DPYD: variants seen among roughly 807,000 people sequenced by gnomAD.
DPYD encodes dihydropyrimidine dehydrogenase.
Under a neutral mutation model 116.2 loss-of-function variants are expected in DPYD, and 109 were observed. That is an observed-to-expected ratio of 0.94 (90% confidence interval 0.80 to 1.10). The LOEUF (loss-of-function observed/expected upper bound fraction) is 1.10, where lower values mean the gene tolerates loss of function less well. Ranked by LOEUF, DPYD falls within the 50% of genes least tolerant of loss-of-function variation. DPYD has a pLI of 0.00. For missense variants in DPYD, 1,302 were observed against 1,254.5 expected, an observed-to-expected ratio of 1.04 and a Z score of -0.57; for synonymous variants, 440 against 432.0, an observed-to-expected ratio of 1.02 and a Z score of -0.23.
intron 3 of DPYD, among the ~76,000 whole-genome samples, chr1:97,813,956 C>T (rs1446054196): frequency 7.4e-6 from 1 of 136,038 alleles, no homozygotes; most frequent in African/African-American, 2.7e-5. Context: ...ACACACACAC[C>T]CCTAAAATTT....
chr1:97,475,376 G>A (rs915512110), intron 13 of DPYD, among the ~76,000 whole-genome samples: 1 of 152,074 alleles, frequency 6.6e-6, no homozygotes, highest in Non-Finnish European at 1.5e-5. Context: ...TTAAATGTTG[G>A]AAAACTTTTA....
intron 8 of DPYD, among the ~76,000 whole-genome samples, chr1:97,662,513 A>T (rs2100871524): frequency 6.6e-6 from 1 of 151,984 alleles, no homozygotes; most frequent in African/African-American, 2.4e-5. Context: ...CGTGCCTGTA[A>T]TCCCAGCTAT....
At chr1:97,835,533 A>C (rs1302763220) in intron 2 of DPYD, among the ~76,000 whole-genome samples, 7 of 152,116 alleles carry the variant, frequency 4.6e-5, no homozygotes, top group Non-Finnish European at 1.0e-4. Flanking sequence ...AGATAAATTA[A>C]AAGTTTAGCT....
In DPYD at chr1:97,651,499, C is replaced by T. The variant is rs111805784; in HGVS notation, c.850+27596G>A. 7.2e-5 allele frequency among the ~76,000 whole-genome samples: 11 copies of T among 152,154 alleles called. No homozygotes were observed. In the East Asian group the frequency reaches 9.7e-4, roughly 13 times the overall value. On this transcript the variant is annotated intron_variant, in intron 8 of 22. Transcript: ENST00000370192. Reference sequence around the variant, plus strand: ...ATGTTTTCACCCGCTGCAAGGCTGCCGTTCATTAATCAAACATTATCATTT... The same window carrying T: ...ATGTTTTCACCCGCTGCAAGGCTGCTGTTCATTAATCAAACATTATCATTT...
intron 8 of DPYD, among the ~76,000 whole-genome samples, chr1:97,625,359 G>T (rs577679546): frequency 2.2e-4 from 33 of 151,950 alleles, no homozygotes; most frequent in Non-Finnish European, 3.8e-4. Context: ...AGAAAACACT[G>T]TTGTTTATAA....
chr1:97,215,324 T>C (rs990723771), intron 19 of DPYD, among the ~76,000 whole-genome samples: 2 of 152,224 alleles, frequency 1.3e-5, no homozygotes, highest in African/African-American at 4.8e-5. Context: ...GAAGCATTCA[T>C]GAATAAGGTG....
chr1:97,436,545 G>A (rs1675483743), intron 14 of DPYD, among the ~76,000 whole-genome samples: 1 of 151,828 alleles, frequency 6.6e-6, no homozygotes, highest in African/African-American at 2.4e-5. Flanking sequence ...TCACCCCAAA[G>A]GCAGCCTGAC....
intron 3 of DPYD, among the ~76,000 whole-genome samples, chr1:97,761,353 TAAGAA>T (rs140098153): frequency 0.018 from 2,692 of 151,868 alleles, 83 homozygotes; most frequent in African/African-American, 0.062. Context: ...AAAATTCTCA[TAAGAA>T]AAGAAAAGAA....
chr1:97,786,261 G>A (rs548874563), intron 3 of DPYD, among the ~76,000 whole-genome samples: 27 of 152,070 alleles, frequency 1.8e-4, no homozygotes, highest in Non-Finnish European at 2.9e-4. Flanking sequence ...TAACAAACTT[G>A]ATGATTGGTG....
At chr1:97,289,782 C>G (rs1401025311) in intron 18 of DPYD, among the ~76,000 whole-genome samples, 2 of 151,636 alleles carry the variant, frequency 1.3e-5, no homozygotes, top group African/African-American at 4.8e-5. Flanking sequence ...TGGCACAAGA[C>G]AGTGATGCCC....
chr1:97,801,450 A>G (rs538485469), intron 3 of DPYD, among the ~76,000 whole-genome samples: 3 of 152,068 alleles, frequency 2.0e-5, no homozygotes, highest in Non-Finnish European at 4.4e-5. Context: ...CCCTGCCACG[A>G]GCTTATATTT....
At chr1:97,695,294 T>A (rs1661234582) in intron 6 of DPYD, among the ~76,000 whole-genome samples, 1 of 151,340 alleles carries the variant, frequency 6.6e-6, no homozygotes, top group African/African-American at 2.4e-5. Flanking sequence ...TAAAAAATAA[T>A]TATTACTGGT....
At chr1:97,250,345 A>C (rs960913143) in intron 18 of DPYD, among the ~76,000 whole-genome samples, 1 of 152,218 alleles carries the variant, frequency 6.6e-6, no homozygotes, top group Admixed American at 6.5e-5. Flanking sequence ...GTTTCTTTAA[A>C]AAATGACATA....
intron 20 of DPYD, among the ~76,000 whole-genome samples, chr1:97,141,744 G>A (rs1654242079): frequency 6.6e-6 from 1 of 152,052 alleles, no homozygotes; most frequent in Non-Finnish European, 1.5e-5. Flanking sequence ...CAAGTGTCTA[G>A]AACAGTGGCT....
intron 1 of DPYD, among the ~76,000 whole-genome samples, chr1:97,905,686 A>AGACG (rs1673580856): frequency 6.6e-6 from 1 of 151,986 alleles, no homozygotes; most frequent in Non-Finnish European, 1.5e-5. Context: ...CGCCATTCAT[A>AGACG]CCTTGCTTCA....
chr1:97,392,214 T>A (rs1166944639), intron 14 of DPYD, among the ~76,000 whole-genome samples: 1 of 152,076 alleles, frequency 6.6e-6, no homozygotes, highest in Non-Finnish European at 1.5e-5. Context: ...ATAAAAGTTA[T>A]GTTTTCACTA....
chr1:97,725,880 A>G, intron 4 of DPYD, among the ~76,000 whole-genome samples: 1 of 151,490 alleles, frequency 6.6e-6, no homozygotes, highest in East Asian at 1.9e-4. Context: ...CGGTGATAAA[A>G]TTGTTCTCAA....
chr1:97,209,404 C>G (rs1347037975), intron 19 of DPYD, among the ~76,000 whole-genome samples: 1 of 152,056 alleles, frequency 6.6e-6, no homozygotes, highest in Non-Finnish European at 1.5e-5. Context: ...TTTTTTTAAA[C>G]TCCCTCCAGA....
intron 20 of DPYD, among the ~76,000 whole-genome samples, chr1:97,177,599 T>C (rs1347501159): frequency 6.6e-6 from 1 of 150,614 alleles, no homozygotes; most frequent in Admixed American, 6.6e-5. Flanking sequence ...CTATAAGATA[T>C]ATATATCCTA....
Sources: allele counts gnomAD v4.1 joint callset (sites outside exome capture counted in the v4.1 genomes callset), GRCh38; gene constraint gnomAD v4.1.1; transcripts MANE v1.5; gene names NCBI Gene and HGNC (gene_info 2026-07-23, HGNC 2026-07-21).